The following DNAJC5B variants were observed in gnomAD, a reference collection of about 807,000 sequenced individuals.
DNAJC5B encodes dnaJ homolog subfamily C member 5B.
DNAJC5B carries 23 observed loss-of-function variants against 24.7 expected under a neutral mutation model. The observed-to-expected ratio is 0.93, with a 90% CI of 0.67 to 1.32. DNAJC5B has a LOEUF of 1.32. Ranked by LOEUF, DNAJC5B falls within the 40% of genes most tolerant of loss-of-function variation. The probability of loss-of-function intolerance (pLI) is 0.00; values close to 1 mark genes in which losing one functional copy is unlikely to be tolerated. For missense variants in DNAJC5B, 238 were observed against 240.8 expected (o/e 0.99, Z 0.08); for synonymous variants, 101 against 90.1 (o/e 1.12, Z -0.68).
intron 5 of DNAJC5B, among the ~76,000 whole-genome samples, chr8:66,085,560 G>C (rs963042797): frequency 6.6e-6 from 1 of 151,914 alleles, no homozygotes; most frequent in Non-Finnish European, 1.5e-5. Flanking sequence ...GTGACAGAGC[G>C]AGACTCCATC....
upstream of DNAJC5B, among the ~76,000 whole-genome samples, chr8:66,018,663 T>G (rs1165495868): frequency 6.6e-6 from 1 of 152,194 alleles, no homozygotes; most frequent in East Asian, 1.9e-4. Context: ...CTGGAGAAGC[T>G]TGACTTAACA....
At chr8:66,064,525 C>T (rs1203656289) in intron 3 of DNAJC5B, among the ~76,000 whole-genome samples, 2 of 152,198 alleles carry the variant, frequency 1.3e-5, no homozygotes, top group African/African-American at 4.8e-5. Context: ...CTTATCCTCC[C>T]TTGACCTTCT....
chr8:66,091,956 A>AATATG (rs1807857931), intron 5 of DNAJC5B, among the ~76,000 whole-genome samples: 1 of 152,212 alleles, frequency 6.6e-6, no homozygotes, highest in Admixed American at 6.5e-5. Context: ...TGAAATATTC[A>AATATG]GAATAGGTAA....
intron 1 of DNAJC5B, among the ~76,000 whole-genome samples, chr8:66,039,728 C>T (rs1236385240): frequency 6.6e-6 from 1 of 152,218 alleles, no homozygotes; most frequent in Non-Finnish European, 1.5e-5. Context: ...ATCATCATCA[C>T]TGCCTCTTAG....
At chr8:66,069,071 T>A (rs557311613) in intron 3 of DNAJC5B, among the ~76,000 whole-genome samples, 2 of 150,366 alleles carry the variant, frequency 1.3e-5, no homozygotes, top group South Asian at 4.2e-4. Context: ...AGAAGAATGA[T>A]AAAAGAATAT....
intron 3 of DNAJC5B, among the ~76,000 whole-genome samples, chr8:66,071,879 A>G (rs779698851): frequency 6.6e-6 from 1 of 152,170 alleles, no homozygotes. Flanking sequence ...ATAAAAAAGA[A>G]TGAGTTCATG....
At chr8:66,081,703 C>A (rs1366616281) in intron 5 of DNAJC5B, among the ~76,000 whole-genome samples, 1 of 152,078 alleles carries the variant, frequency 6.6e-6, no homozygotes, top group Admixed American at 6.5e-5. Context: ...TACAGATTCC[C>A]AGACTCTTTC....
intron 3 of DNAJC5B, chr8:66,056,851 C>T (rs796569645): frequency 1.2e-4 from 18 of 152,236 alleles, no homozygotes; most frequent in African/African-American, 4.3e-4. Flanking sequence ...TTTAAAGTAA[C>T]CATCATAGGC....
At chr8:66,072,697 C>A (rs1807376472) in intron 3 of DNAJC5B, among the ~76,000 whole-genome samples, 1 of 152,044 alleles carries the variant, frequency 6.6e-6, no homozygotes, top group Admixed American at 6.6e-5. Context: ...ATCTATAATT[C>A]AGTGCTACAT....
At chr8:66,030,612 T>C (rs1017206572) in intron 1 of DNAJC5B, among the ~76,000 whole-genome samples, 6 of 152,144 alleles carry the variant, frequency 3.9e-5, no homozygotes, top group Non-Finnish European at 5.9e-5. Flanking sequence ...ACCTGCAGTA[T>C]GTGCTTTTGT....
chr8:66,090,742 A>T (rs909222721), intron 5 of DNAJC5B, among the ~76,000 whole-genome samples: 5 of 152,158 alleles, frequency 3.3e-5, no homozygotes, highest in Non-Finnish European at 4.4e-5. Context: ...GCTATTTAGT[A>T]TTCATCACAT....
At chr8:66,042,397 G>C (rs1806629299) in intron 1 of DNAJC5B, among the ~76,000 whole-genome samples, 2 of 152,178 alleles carry the variant, frequency 1.3e-5, no homozygotes, top group Non-Finnish European at 2.9e-5. Context: ...CAAAAAGAAT[G>C]ACTTTTACTA....
intron 3 of DNAJC5B, among the ~76,000 whole-genome samples, chr8:66,068,234 G>A (rs1001228022): frequency 6.6e-6 from 1 of 152,090 alleles, no homozygotes; most frequent in South Asian, 2.1e-4. Context: ...TAGGAACAGA[G>A]CCATGAGAAT....
intron 5 of DNAJC5B, among the ~76,000 whole-genome samples, chr8:66,087,459 C>A (rs1025153748): frequency 2.0e-5 from 3 of 152,138 alleles, no homozygotes; most frequent in South Asian, 2.1e-4. Context: ...ATTTCGAAAC[C>A]AATCATGCCT....
intron 2 of DNAJC5B, among the ~76,000 whole-genome samples, chr8:66,048,878 A>G (rs1185336502): frequency 6.6e-6 from 1 of 152,186 alleles, no homozygotes; most frequent in African/African-American, 2.4e-5. Context: ...TGAATCACCC[A>G]GCGGACATTT....
At chr8:66,061,240 C>A (rs1807073874) in intron 3 of DNAJC5B, among the ~76,000 whole-genome samples, 1 of 152,116 alleles carries the variant, frequency 6.6e-6, no homozygotes, top group Non-Finnish European at 1.5e-5. Context: ...ATGACTGAGC[C>A]TGTGAATAGC....
intron 1 of DNAJC5B, among the ~76,000 whole-genome samples, chr8:66,038,242 A>C (rs937497752): frequency 1.3e-5 from 2 of 152,234 alleles, no homozygotes; most frequent in Admixed American, 1.3e-4. Flanking sequence ...CCTATTAATA[A>C]TATCAAATAA....
upstream of DNAJC5B, among the ~76,000 whole-genome samples, chr8:66,019,603 T>C (rs1360782543): frequency 6.6e-6 from 1 of 152,220 alleles, no homozygotes; most frequent in Non-Finnish European, 1.5e-5. Context: ...TAATAAAAAA[T>C]ACCTTTAAAT....
intron 5 of DNAJC5B, among the ~76,000 whole-genome samples, chr8:66,087,806 C>G (rs1469607135): frequency 6.6e-6 from 1 of 152,206 alleles, no homozygotes; most frequent in Non-Finnish European, 1.5e-5. Flanking sequence ...CAGCCTTGGG[C>G]AGCTCTGGCC....
Sources: gnomAD v4.1 joint callset for allele counts (sites outside exome capture counted in the v4.1 genomes callset) on GRCh38, gnomAD v4.1.1 for gene constraint, MANE v1.5 for transcripts, NCBI Gene and HGNC (gene_info 2026-07-23, HGNC 2026-07-21) for gene names.